Variants in SLC9A7 observed in about 807,000 individuals in gnomAD.
The protein encoded by SLC9A7 is solute carrier family 9 member A7.
A neutral mutation model predicts 52.6 loss-of-function variants in SLC9A7; 19 were observed. That is an observed-to-expected ratio of 0.36 (90% confidence interval 0.25 to 0.53). The LOEUF is 0.53. Ranked by LOEUF, SLC9A7 falls within the 20% of genes least tolerant of loss-of-function variation. The pLI is 0.91. For missense variants in SLC9A7, 455 were observed against 597.9 expected (o/e 0.76, Z 2.49); for synonymous variants, 226 against 252.1 (o/e 0.90, Z 0.98).
At chrX:46,718,432 C>A (rs1310431484) in intron 1 of SLC9A7, among the ~76,000 whole-genome samples, 2 of 111,761 alleles carry the variant, frequency 1.8e-5, no homozygotes, top group Non-Finnish European at 3.8e-5. Context: ...GCAACAAAAG[C>A]CAAAATTGAC....
intron 8 of SLC9A7, among the ~76,000 whole-genome samples, chrX:46,651,662 T>C (rs1943583045): frequency 9.2e-6 from 1 of 109,133 alleles, no homozygotes; most frequent in African/African-American, 3.3e-5. Context: ...ACCCCATCTC[T>C]ACCAAAAATA....
At chrX:46,730,146 A>G (rs1463359998) in intron 1 of SLC9A7, among the ~76,000 whole-genome samples, 3 of 111,347 alleles carry the variant, frequency 2.7e-5, no homozygotes, top group Non-Finnish European at 5.6e-5. Context: ...TACATCCAAC[A>G]TTTACACTAG....
At chrX:46,664,769 T>C (rs1462905777) in intron 5 of SLC9A7, among the ~76,000 whole-genome samples, 1 of 110,794 alleles carries the variant, frequency 9.0e-6, no homozygotes, top group Non-Finnish European at 1.9e-5. Flanking sequence ...ATATATTTTT[T>C]GAGACAGGGT....
intron 1 of SLC9A7, among the ~76,000 whole-genome samples, chrX:46,713,641 C>G (rs1302014961): frequency 9.1e-6 from 1 of 110,323 alleles, no homozygotes; most frequent in Admixed American, 9.7e-5. Context: ...AAGTTAGTGC[C>G]CTAGGTTCAT....
intron 1 of SLC9A7, among the ~76,000 whole-genome samples, chrX:46,738,032 AAAGAAAGAAAG>A (rs1438840305): frequency 5.5e-4 from 2 of 3,633 alleles, no homozygotes; most frequent in Admixed American, 2.2e-3. Context: ...GTCTCAAAAA[AAAGAAAGAAAG>A]AAAGAAAGAA....
intron 16 of SLC9A7, 53 bp downstream of exon 16, chrX:46,613,236 G>A (rs987263175): frequency 2.7e-5 from 24 of 904,338 alleles, no homozygotes; most frequent in Non-Finnish European, 3.4e-5. Flanking sequence ...TCCTACGTAA[G>A]ACACTACCCT....
chrX:46,678,410 G>GTTTT (rs1944153939), intron 3 of SLC9A7, among the ~76,000 whole-genome samples: 1 of 26,601 alleles, frequency 3.8e-5, no homozygotes, highest in African/African-American at 1.2e-4. Flanking sequence ...TCTGGCATTT[G>GTTTT]TTTTTATTTA....
chrX:46,658,405 A>T (rs1448111263), intron 7 of SLC9A7, among the ~76,000 whole-genome samples: 5 of 107,917 alleles, frequency 4.6e-5, no homozygotes, highest in African/African-American at 1.7e-4. Context: ...AGACACAAAA[A>T]ACCCTTCAAA....
intron 12 of SLC9A7, among the ~76,000 whole-genome samples, chrX:46,641,300 A>G (rs1390038816): frequency 1.8e-5 from 2 of 111,743 alleles, no homozygotes; most frequent in Non-Finnish European, 1.9e-5. Flanking sequence ...CAGTTACAAC[A>G]GCAAAATGTC....
At chrX:46,712,720 C>T (rs1352994643) in intron 1 of SLC9A7, among the ~76,000 whole-genome samples, 1 of 112,281 alleles carries the variant, frequency 8.9e-6, no homozygotes, top group Non-Finnish European at 1.9e-5. Context: ...ATTCTAAATG[C>T]AGTGTATTAA....
chrX:46,638,906 CA>C (rs566685887), intron 12 of SLC9A7, among the ~76,000 whole-genome samples: 2 of 110,400 alleles, frequency 1.8e-5, no homozygotes, highest in African/African-American at 3.3e-5. Context: ...AAAAGCAGTA[CA>C]AAAAAAAACT....
At chrX:46,657,272 C>A (rs1216641719) in intron 7 of SLC9A7, among the ~76,000 whole-genome samples, 3 of 110,190 alleles carry the variant, frequency 2.7e-5, no homozygotes, top group Non-Finnish European at 5.7e-5. Flanking sequence ...AAAATCATGC[C>A]AAAATGTAAA....
intron 16 of SLC9A7, among the ~76,000 whole-genome samples, chrX:46,611,173 T>C: frequency 1.8e-5 from 2 of 111,868 alleles, no homozygotes. Flanking sequence ...GAGCAAACCA[T>C]TCAGCATTCA....
intron 7 of SLC9A7, among the ~76,000 whole-genome samples, chrX:46,655,539 C>A (rs184235567): frequency 2.7e-5 from 3 of 111,772 alleles, no homozygotes; most frequent in African/African-American, 9.8e-5. Context: ...CGAAGCAGGG[C>A]GAGGCACTGC....
intron 1 of SLC9A7, among the ~76,000 whole-genome samples, chrX:46,720,909 T>C (rs893792218): frequency 4.5e-5 from 5 of 111,555 alleles, no homozygotes; most frequent in African/African-American, 1.6e-4. Flanking sequence ...ATTTCCAGAA[T>C]AAAACCTCTC....
chrX:46,631,672 A>G, intron 13 of SLC9A7, 23 bp from the exon 14 acceptor site: 1 of 1,176,698 alleles, frequency 8.5e-7, no homozygotes, highest in Non-Finnish European at 1.2e-6. Context: ...AGGGAGAAAG[A>G]CAAAGAGAAA....
At chrX:46,737,990 G>T (rs1225343696) in intron 1 of SLC9A7, among the ~76,000 whole-genome samples, 1 of 104,962 alleles carries the variant, frequency 9.5e-6, no homozygotes, top group Non-Finnish European at 1.9e-5. Flanking sequence ...TCACACCACT[G>T]CACTCTAGCC....
At chrX:46,633,812 C>T (rs1201439767) in intron 13 of SLC9A7, among the ~76,000 whole-genome samples, 1 of 110,347 alleles carries the variant, frequency 9.1e-6, no homozygotes, top group African/African-American at 3.3e-5. Flanking sequence ...GCTGGGACTA[C>T]AGGCAGGTAC....
At chrX:46,687,201 T>A (rs1422238896) in intron 1 of SLC9A7, among the ~76,000 whole-genome samples, 2 of 111,978 alleles carry the variant, frequency 1.8e-5, no homozygotes, top group African/African-American at 6.5e-5. Flanking sequence ...GCTACAATAT[T>A]TAAATGTCTA....
Sources: allele counts gnomAD v4.1 joint callset (sites outside exome capture counted in the v4.1 genomes callset), GRCh38; gene constraint gnomAD v4.1.1; transcripts MANE v1.5; gene names NCBI Gene and HGNC (gene_info 2026-07-23, HGNC 2026-07-21).